WLS: variants seen among roughly 807,000 people sequenced by gnomAD.
The protein encoded by WLS is Wnt ligand secretion mediator, also known as protein wntless homolog.
WLS carries 23 observed loss-of-function variants against 62.8 expected under a neutral mutation model. The observed-to-expected ratio is 0.37, with a 90% CI of 0.26 to 0.52. The LOEUF (loss-of-function observed/expected upper bound fraction) is 0.52, where lower values mean the gene tolerates loss of function less well. WLS is among the 20% of genes least tolerant of loss of function. The pLI is 0.92. For missense variants in WLS, 615 were observed against 697.3 expected (o/e 0.88, Z 1.33); for synonymous variants, 246 against 244.1 (o/e 1.01, Z -0.07).
chr1:68,193,393 T>A (rs1570988603), intron 2 of WLS, among the ~76,000 whole-genome samples: 3 of 34,572 alleles, frequency 8.7e-5, no homozygotes, highest in African/African-American at 2.4e-4. Flanking sequence ...TAACTGCAAA[T>A]AAGCTAAAAA....
chr1:68,137,928 C>A lies in WLS; in HGVS notation c.1368G>T (p.Thr456=), dbSNP rs762478012. Residue 456 remains threonine (T), a synonymous_variant, in exon 11 of 12, where the codon ACG becomes ACT. Transcript: ENST00000262348. ...CGCCGCCCCATTTCCAATGGCCTTC[C>A]GTTACCTGCGGAGAAAGGATGGTGA... ...TVIFFIVSQV[T]EGHWKWGGVT... The A allele has an allele frequency of 1.9e-6, 3 of 1,613,750 alleles. No individual in the cohort carries two copies. The highest frequency in any genetic ancestry group is 1.7e-6 in the Non-Finnish European group (2 of 1,179,774).
At chr1:68,175,555 T>G (rs2566754) in intron 2 of WLS, among the ~76,000 whole-genome samples, 55,565 of 152,180 alleles carry the variant, frequency 0.37, 10,392 homozygotes, top group Middle Eastern at 0.48. Flanking sequence ...ACTAAGATCC[T>G]TTCTAGTTCT....
At chr1:68,200,865 A>G (rs982066151) in intron 1 of WLS, among the ~76,000 whole-genome samples, 1 of 152,080 alleles carries the variant, frequency 6.6e-6, no homozygotes, top group Non-Finnish European at 1.5e-5. Flanking sequence ...GAGCACTTAA[A>G]CCCTTGGGCA....
chr1:68,156,798 T>C (rs1646906237), intron 3 of WLS, among the ~76,000 whole-genome samples: 4 of 152,042 alleles, frequency 2.6e-5, no homozygotes, highest in African/African-American at 7.2e-5. Flanking sequence ...CTCTTATACT[T>C]TCAAATCAGG....
chr1:68,171,972 A>G, intron 2 of WLS, among the ~76,000 whole-genome samples: 1 of 152,238 alleles, frequency 6.6e-6, no homozygotes, highest in East Asian at 1.9e-4. Flanking sequence ...ACCATGGAAT[A>G]CTATGCAGCC....
chr1:68,194,300 C>T, intron 1 of WLS, 73 bp from the exon 2 acceptor site: 2 of 1,537,730 alleles, frequency 1.3e-6, no homozygotes, highest in Admixed American at 1.9e-5. Context: ...ATATTCTTTC[C>T]ACTGCTGTGT....
At chr1:68,103,856 T>G (rs1038922150) in intron 11 of WLS, among the ~76,000 whole-genome samples, 1 of 152,154 alleles carries the variant, frequency 6.6e-6, no homozygotes, top group African/African-American at 2.4e-5. Context: ...AGCAGCTCAT[T>G]TTGTGTTTAA....
At chr1:68,161,414 G>C (rs1456557201) in intron 2 of WLS, among the ~76,000 whole-genome samples, 3 of 152,220 alleles carry the variant, frequency 2.0e-5, no homozygotes, top group Non-Finnish European at 4.4e-5. Context: ...AACTCTTGAT[G>C]CAACATTGTA....
chr1:68,150,216 CAGA>C lies in WLS; in HGVS notation c.941_943del (p.Phe314del), dbSNP rs1296703775. On this transcript the variant is annotated inframe_deletion, in exon 6 of 12. Coordinates refer to ENST00000262348, the MANE Select transcript of WLS (RefSeq NM_024911.7). ...CATGTGCTCGCCACAGAAGATGATC[CAGA>C]AGGACAGAAGCATCGCATAGAAGAT... 1.9e-6 allele frequency: 3 copies of C among 1,614,174 alleles called. No homozygotes were observed. The South Asian group carries it at 3.3e-5, about 18-fold the overall frequency.
chr1:68,128,480 G>GT (rs1646468296), intron 11 of WLS, among the ~76,000 whole-genome samples: 1 of 152,302 alleles, frequency 6.6e-6, no homozygotes, highest in East Asian at 1.9e-4. Context: ...GACCACCCCA[G>GT]TGGACCCATT....
chr1:68,198,165 C>T (rs1648781796), intron 1 of WLS, among the ~76,000 whole-genome samples: 2 of 152,180 alleles, frequency 1.3e-5, no homozygotes, highest in Admixed American at 1.3e-4. Flanking sequence ...AGGCCAAAAA[C>T]TACTTCTACA....
rs1265710239 is a variant in WLS at position 68,159,111 on chromosome 1, A to T, written c.504+12T>A. ...AATAAAAACTGTCAGCTTAGACAGCAAGGGGTCATACCTTGGGAGATGTGA... is the reference window on the plus strand; with the variant it reads ...AATAAAAACTGTCAGCTTAGACAGCTAGGGGTCATACCTTGGGAGATGTGA... On this transcript the variant is annotated intron_variant, in intron 3 of 11. Coordinates refer to ENST00000262348, the MANE Select transcript of WLS (RefSeq NM_024911.7). 1 of 1,613,238 alleles carries T rather than the reference A, an allele frequency of 6.2e-7. No homozygotes were observed. Among genetic ancestry groups the T allele is most frequent in the Non-Finnish European group, 8.5e-7 (1 of 1,179,800 alleles).
At chr1:68,173,106 G>A (rs145055180) in intron 2 of WLS, among the ~76,000 whole-genome samples, 23 of 152,296 alleles carry the variant, frequency 1.5e-4, no homozygotes, top group South Asian at 4.2e-4. Context: ...ATACTGCCAG[G>A]AGGATATTTT....
intron 6 of WLS, among the ~76,000 whole-genome samples, chr1:68,149,605 C>A (rs1029220569): frequency 6.6e-5 from 10 of 152,158 alleles, no homozygotes; most frequent in African/African-American, 2.4e-4. Context: ...GATGATGACA[C>A]CATTCTTATT....
At chr1:68,122,351 T>C (rs915632524), downstream of WLS, among the ~76,000 whole-genome samples, 1 of 152,186 alleles carries the variant, frequency 6.6e-6, no homozygotes, top group Non-Finnish European at 1.5e-5. Context: ...GGCATCAGAA[T>C]TGTTAGAGCT....
chr1:68,150,235 C>T lies in WLS; in HGVS notation c.925G>A (p.Ala309Thr). The change falls in exon 6 of 12, where the codon GCG becomes ACG. Residue 309 changes from alanine (A) to threonine (T), a missense_variant. Physicochemically the swap from Ala to Thr is moderately conservative, Grantham distance 58. Coordinates refer to ENST00000262348, the MANE Select transcript of WLS (RefSeq NM_024911.7). ...FGDIRQGIFYAMLLSFWIIFC... is the reference protein window; with the variant it reads ...FGDIRQGIFYTMLLSFWIIFC... ...ATGATCCAGAAGGACAGAAGCATCG[C>T]ATAGAAGATGCCCTGTCGGATGTCA... 6.2e-7 allele frequency: 1 copy of T among 1,614,176 alleles called. No homozygotes were observed. The highest frequency in any genetic ancestry group is 8.5e-7 in the Non-Finnish European group (1 of 1,180,036).
chr1:68,135,528 G>C (rs1646596666), intron 11 of WLS, among the ~76,000 whole-genome samples: 1 of 152,126 alleles, frequency 6.6e-6, no homozygotes, highest in Non-Finnish European at 1.5e-5. Flanking sequence ...AGAGGGTTAA[G>C]TGTTTTGCCA....
At chr1:68,101,519 C>G (rs1646078256) in intron 11 of WLS, among the ~76,000 whole-genome samples, 2 of 152,270 alleles carry the variant, frequency 1.3e-5, no homozygotes, top group South Asian at 4.1e-4. Context: ...GTCACAAAGA[C>G]AGAAGGGTTG....
At position 68,133,221 on chromosome 1, in the gene WLS, C is replaced by T. The variant is rs567513189; in HGVS notation, c.1516+4559G>A. 3.9e-5 allele frequency among the ~76,000 whole-genome samples: 6 copies of T among 152,254 alleles called. No homozygotes were observed. In the South Asian group the frequency reaches 1.2e-3, roughly 32 times the overall value. Reference sequence around the variant, plus strand: ...ATGATTACACATATAATTCTATGTACATAAAAATAAAATGATTAATGTGAA... The same window carrying T: ...ATGATTACACATATAATTCTATGTATATAAAAATAAAATGATTAATGTGAA... On this transcript the variant is annotated intron_variant, in intron 11 of 11. Transcript: ENST00000262348.
Sources: gnomAD v4.1 joint callset for allele counts (sites outside exome capture counted in the v4.1 genomes callset) on GRCh38, gnomAD v4.1.1 for gene constraint, MANE v1.5 for transcripts, NCBI Gene and HGNC (gene_info 2026-07-23, HGNC 2026-07-21) for gene names.